Variants in ARID4B observed in about 807,000 individuals in gnomAD.
ARID4B encodes AT-rich interactive domain-containing protein 4B.
A neutral mutation model predicts 147.5 loss-of-function variants in ARID4B; 26 were observed. That is an observed-to-expected ratio of 0.18 (90% CI 0.13 to 0.24). The LOEUF is 0.24. Among genes scored for constraint, ARID4B ranks in the 10% least tolerant of loss-of-function variants. ARID4B has a pLI of 1.00. For missense variants in ARID4B, 1,179 were observed against 1,511.5 expected, an observed-to-expected ratio of 0.78 and a Z score of 3.65; for synonymous variants, 512 against 507.9, an observed-to-expected ratio of 1.01 and a Z score of -0.11.
chr1:235,262,817 AT>A (rs1336520367), intron 2 of ARID4B, among the ~76,000 whole-genome samples: 1 of 152,076 alleles, frequency 6.6e-6, no homozygotes, highest in African/African-American at 2.4e-5. Flanking sequence ...TTAAAAAAAA[AT>A]TTTTATCATA....
At chr1:235,310,094 T>G (rs897517430) in intron 2 of ARID4B, among the ~76,000 whole-genome samples, 2 of 151,898 alleles carry the variant, frequency 1.3e-5, no homozygotes, top group African/African-American at 4.8e-5. Flanking sequence ...GTTCACTTGT[T>G]TATCTGCTGA....
intron 17 of ARID4B, among the ~76,000 whole-genome samples, chr1:235,205,286 G>C (rs1011436877): frequency 6.6e-6 from 1 of 152,106 alleles, no homozygotes; most frequent in Admixed American, 6.6e-5. Context: ...AAGAAATTAA[G>C]CTGAAAAGTG....
intron 2 of ARID4B, among the ~76,000 whole-genome samples, chr1:235,280,059 C>T (rs1055879294): frequency 1.3e-5 from 2 of 152,080 alleles, no homozygotes; most frequent in Admixed American, 6.6e-5. Context: ...GTCCTGTGAG[C>T]GCACCTTGTG....
chr1:235,173,856 G>T (rs80332870), intron 22 of ARID4B, among the ~76,000 whole-genome samples: 1 of 104,958 alleles, frequency 9.5e-6, no homozygotes, highest in African/African-American at 3.5e-5. Flanking sequence ...TTTAAATGAA[G>T]ATTTATGAAG....
intron 9 of ARID4B, among the ~76,000 whole-genome samples, chr1:235,231,462 T>A (rs1255233371): frequency 2.0e-5 from 3 of 152,130 alleles, no homozygotes; most frequent in African/African-American, 7.2e-5. Context: ...CCTGCCCAAA[T>A]GCAACACTGA....
At chr1:235,314,181 G>A (rs1674273398) in intron 2 of ARID4B, among the ~76,000 whole-genome samples, 1 of 151,984 alleles carries the variant, frequency 6.6e-6, no homozygotes, top group African/African-American at 2.4e-5. Flanking sequence ...CTGGTAAGCA[G>A]GAGTGGCAAT....
chr1:235,229,546 C>G (rs1459546119), intron 10 of ARID4B, among the ~76,000 whole-genome samples, 161 bp from the exon 11 acceptor site: 1 of 152,192 alleles, frequency 6.6e-6, no homozygotes, highest in Non-Finnish European at 1.5e-5. Flanking sequence ...TTAAATGTAG[C>G]AATATATTTA....
chr1:235,327,652 C>G (rs1160396341), intron 1 of ARID4B, 117 bp downstream of exon 1: 1 of 152,382 alleles, frequency 6.6e-6, no homozygotes, highest in Non-Finnish European at 1.5e-5. Flanking sequence ...GCCGAGGCCC[C>G]GAATTCGGGC....
intron 3 of ARID4B, among the ~76,000 whole-genome samples, chr1:235,257,534 G>A (rs907148027): frequency 2.6e-5 from 4 of 150,960 alleles, no homozygotes; most frequent in African/African-American, 9.8e-5. Context: ...CCAGGTTGGA[G>A]TGCAGTAGCG....
intron 2 of ARID4B, among the ~76,000 whole-genome samples, chr1:235,278,372 C>A (rs975198439): frequency 6.6e-6 from 1 of 152,122 alleles, no homozygotes; most frequent in African/African-American, 2.4e-5. Context: ...CTGGAATTTT[C>A]TGATCCCCAC....
At chr1:235,225,875 G>A (rs1218866289) in intron 11 of ARID4B, among the ~76,000 whole-genome samples, 1 of 151,948 alleles carries the variant, frequency 6.6e-6, no homozygotes, top group Non-Finnish European at 1.5e-5. Context: ...TCAACTATTA[G>A]GTTTTCTAAT....
Position 235,268,195 on chromosome 1 carries a change from T to A in ARID4B, c.7-7443A>T, listed in dbSNP as rs151305692. On this transcript the variant is annotated intron_variant, in intron 2 of 23. Transcript: ENST00000264183. Reference sequence around the variant, plus strand: ...CCATTACCCGGACCAAATAAGTAAATGGACTAATCAAATAAGTAAATACAC... The same window carrying A: ...CCATTACCCGGACCAAATAAGTAAAAGGACTAATCAAATAAGTAAATACAC... 2.0e-5 allele frequency among the ~76,000 whole-genome samples: 3 copies of A among 152,128 alleles called. No homozygotes were observed. In the East Asian group the frequency reaches 5.8e-4, roughly 29 times the overall value.
intron 21 of ARID4B, chr1:235,175,604 T>G: frequency 1.8e-6 from 1 of 546,110 alleles, no homozygotes; most frequent in South Asian, 2.2e-5. Context: ...GCCAATAATA[T>G]GTATACTTTT....
intron 23 of ARID4B, among the ~76,000 whole-genome samples, chr1:235,169,952 G>A (rs1663223806): frequency 6.6e-6 from 1 of 152,140 alleles, no homozygotes; most frequent in East Asian, 1.9e-4. Context: ...GTGAGCAATT[G>A]CGCCCGGCCT....
At chr1:235,325,422 C>T (rs180863180) in intron 2 of ARID4B, among the ~76,000 whole-genome samples, 26 of 151,744 alleles carry the variant, frequency 1.7e-4, no homozygotes, top group African/African-American at 6.0e-4. Context: ...AGACTTTCAA[C>T]TTAACTACAT....
At chr1:235,318,531 A>AT in intron 2 of ARID4B, among the ~76,000 whole-genome samples, 1 of 152,224 alleles carries the variant, frequency 6.6e-6, no homozygotes, top group East Asian at 1.9e-4. Flanking sequence ...AAAAGGCCAC[A>AT]TATGTATTAC....
At chr1:235,318,933 G>A (rs927350353) in intron 2 of ARID4B, among the ~76,000 whole-genome samples, 54 of 152,078 alleles carry the variant, frequency 3.6e-4, no homozygotes, top group Non-Finnish European at 5.0e-4. Flanking sequence ...GGAGAACAGT[G>A]AATGACTGCT....
chr1:235,219,634 C>T (rs1323602503), intron 16 of ARID4B, among the ~76,000 whole-genome samples, 159 bp downstream of exon 16: 1 of 152,144 alleles, frequency 6.6e-6, no homozygotes, highest in Non-Finnish European at 1.5e-5. Flanking sequence ...TCAGTAGGGT[C>T]TCTGAAAGAA....
intron 2 of ARID4B, among the ~76,000 whole-genome samples, chr1:235,301,203 T>C (rs1271634487): frequency 1.3e-5 from 2 of 151,758 alleles, no homozygotes; most frequent in South Asian, 2.1e-4. Flanking sequence ...CTTTTTCTAC[T>C]GTAAATTTTA....
Sources: allele counts gnomAD v4.1 joint callset (sites outside exome capture counted in the v4.1 genomes callset), GRCh38; gene constraint gnomAD v4.1.1; transcripts MANE v1.5; gene names NCBI Gene and HGNC (gene_info 2026-07-23, HGNC 2026-07-21).